PCDHA3: variants seen among roughly 807,000 people sequenced by gnomAD.
PCDHA3 encodes the protein protocadherin alpha 3.
A neutral mutation model predicts 62.2 loss-of-function variants in PCDHA3; 41 were observed. That is an observed-to-expected ratio of 0.66 (90% CI 0.51 to 0.86). The LOEUF (loss-of-function observed/expected upper bound fraction) is 0.86. PCDHA3 is among the 40% of genes least tolerant of loss of function. The pLI is 0.00. For missense variants in PCDHA3, 1,304 were observed against 1,241.2 expected (o/e 1.05, Z -0.76); for synonymous variants, 640 against 555.4 (o/e 1.15, Z -2.14).
intron 1 of PCDHA3, chr5:140,883,514 G>A: frequency 6.2e-7 from 1 of 1,614,220 alleles, no homozygotes; most frequent in Non-Finnish European, 8.5e-7. Context: ...CCTGGACCGC[G>A]AGAGCGTATC....
chr5:140,809,433 C>G, intron 1 of PCDHA3: 3 of 1,614,244 alleles, frequency 1.9e-6, no homozygotes, highest in Non-Finnish European at 2.5e-6. Context: ...GGGAGCTGGT[C>G]ATACTCGCAG....
chr5:140,976,644 A>G (rs1487728765), intron 1 of PCDHA3, among the ~76,000 whole-genome samples: 1 of 152,228 alleles, frequency 6.6e-6, no homozygotes, highest in Admixed American at 6.5e-5. Context: ...CAGACAAGTA[A>G]TTTAATCTCT....
intron 3 of PCDHA3, 171 bp from the exon 4 acceptor site, chr5:141,009,456 C>CAAAT: frequency 3.2e-6 from 3 of 947,762 alleles, no homozygotes; most frequent in Non-Finnish European, 2.5e-6. Flanking sequence ...AAAAATTAAA[C>CAAAT]AAATAAATAA....
In PCDHA3 at chr5:140,983,053, C is replaced by T. The variant is rs571565176; in HGVS notation, c.2542+490C>T. 3.3e-5 allele frequency among the ~76,000 whole-genome samples: 5 copies of T among 151,988 alleles called. No homozygotes were observed. In the East Asian group the frequency reaches 5.8e-4, roughly 18 times the overall value. On this transcript the variant is annotated intron_variant, in intron 3 of 3. Transcript: ENST00000522353. ...GTTTCTCATGGAAGTGGAAAATTAT[C>T]GGAACCAAGGCATTGTTTTGAGTTC...
intron 1 of PCDHA3, chr5:140,870,544 G>T: frequency 6.2e-7 from 1 of 1,614,124 alleles, no homozygotes. Context: ...GGCGCGGGAC[G>T]CGGACGCGCA....
At chr5:140,927,848 G>C (rs1295513512) in intron 1 of PCDHA3, 1 of 1,614,180 alleles carries the variant, frequency 6.2e-7, no homozygotes, top group African/African-American at 1.3e-5. Flanking sequence ...GGTGTCTTTG[G>C]TTTAGCTAGC....
chr5:140,816,793 C>A (rs531734742), intron 1 of PCDHA3: 1 of 147,620 alleles, frequency 6.8e-6, no homozygotes, highest in African/African-American at 2.5e-5. Context: ...GATCTGCCAG[C>A]TTTTTTTTTT....
At chr5:140,963,631 G>A (rs1168776991) in intron 1 of PCDHA3, among the ~76,000 whole-genome samples, 2 of 152,144 alleles carry the variant, frequency 1.3e-5, no homozygotes, top group African/African-American at 2.4e-5. Flanking sequence ...TGTTGCATAC[G>A]CATCTTCCCT....
intron 3 of PCDHA3, among the ~76,000 whole-genome samples, chr5:140,985,361 G>T (rs1453706797): frequency 1.3e-5 from 2 of 152,132 alleles, no homozygotes; most frequent in Non-Finnish European, 2.9e-5. Flanking sequence ...GACCCTCTGA[G>T]GTTATCTGGG....
At chr5:140,904,399 T>C (rs1583526237) in intron 1 of PCDHA3, among the ~76,000 whole-genome samples, 1 of 151,316 alleles carries the variant, frequency 6.6e-6, no homozygotes, top group East Asian at 1.9e-4. Flanking sequence ...TTCCATGGTG[T>C]ATTATATATA....
chr5:141,008,329 T>C (rs2098370202), intron 3 of PCDHA3, among the ~76,000 whole-genome samples: 1 of 152,192 alleles, frequency 6.6e-6, no homozygotes, highest in Non-Finnish European at 1.5e-5. Context: ...AAACAGTTTA[T>C]TTGATGGAGC....
chr5:140,877,049 A>G (rs1554169270), intron 1 of PCDHA3: 4 of 1,612,684 alleles, frequency 2.5e-6, no homozygotes, highest in Middle Eastern at 3.9e-4. Context: ...CTAGACCACG[A>G]GGAGCTGGAG....
At position 140,856,167 on chromosome 5, in the gene PCDHA3, A is replaced by T. The variant is rs141221498; in HGVS notation, c.2394+52576A>T. ...TACTCAGTCTACGAGGAGGCCAGAC[A>T]CGGCACCTTCGTGGGCCGCATCGCG... is the stretch of plus-strand genomic sequence containing the variant. On this transcript the variant is annotated intron_variant, in intron 1 of 3. Coordinates refer to ENST00000522353, the MANE Select transcript of PCDHA3 (RefSeq NM_018906.3). 4.0e-5 allele frequency: 64 copies of T among 1,598,222 alleles called. 4 individuals carry two copies. The African/African-American group carries it at 8.5e-4, about 21-fold the overall frequency.
At chr5:140,965,238 A>T (rs540671197) in intron 1 of PCDHA3, among the ~76,000 whole-genome samples, 1 of 152,314 alleles carries the variant, frequency 6.6e-6, no homozygotes, top group African/African-American at 2.4e-5. Flanking sequence ...ACCTGGGAAG[A>T]GTGAATATTC....
chr5:140,874,360 A>T (rs2054861600), intron 1 of PCDHA3, among the ~76,000 whole-genome samples: 2 of 152,234 alleles, frequency 1.3e-5, no homozygotes. Context: ...TGAATTAATG[A>T]ATAAACTCAT....
At chr5:140,828,645 A>T in intron 1 of PCDHA3, 1 of 1,614,224 alleles carries the variant, frequency 6.2e-7, no homozygotes, top group South Asian at 1.1e-5. Flanking sequence ...GTGAAAATAA[A>T]CAGTGATGAC....
rs2052689459 is a variant in PCDHA3, at chr5:140,871,081, G to T, written c.2394+67490G>T. 9 of 1,613,214 alleles carry T rather than the reference G, an allele frequency of 5.6e-6. No homozygotes were observed. The African/African-American group carries it at 6.7e-5, about 12-fold the overall frequency. On this transcript the variant is annotated intron_variant, in intron 1 of 3. Coordinates refer to ENST00000522353, the MANE Select transcript of PCDHA3 (RefSeq NM_018906.3). ...GGATCACGGTGAGCCGGCGCTGACG[G>T]CCACGGCCACCGTGCTGGTGTCGTT... is the stretch of plus-strand genomic sequence containing the variant.
chr5:140,928,106 G>A, intron 1 of PCDHA3: 4 of 1,614,150 alleles, frequency 2.5e-6, no homozygotes, highest in Non-Finnish European at 3.4e-6. Context: ...CCCCTGGACC[G>A]GGAGCAGATC....
intron 1 of PCDHA3, chr5:140,849,218 G>A (rs2150433092): frequency 1.9e-6 from 2 of 1,040,734 alleles, no homozygotes; most frequent in South Asian, 3.2e-5. Context: ...ATGCCCCAGT[G>A]TTCGACAGAA....
Sources: allele counts gnomAD v4.1 joint callset (sites outside exome capture counted in the v4.1 genomes callset), GRCh38; gene constraint gnomAD v4.1.1; transcripts MANE v1.5; gene names NCBI Gene and HGNC (gene_info 2026-07-23, HGNC 2026-07-21).